Variants in ACOT7 observed in about 807,000 individuals in gnomAD.
ACOT7 encodes the protein cytosolic acyl coenzyme A thioester hydrolase.
ACOT7 carries 12 observed loss-of-function variants against 40.2 expected under a neutral mutation model. The observed-to-expected ratio is 0.30, with a 90% CI of 0.19 to 0.48. The LOEUF (loss-of-function observed/expected upper bound fraction) is 0.48, where lower values mean the gene tolerates loss of function less well. ACOT7 is among the 20% of genes least tolerant of loss of function. The probability of loss-of-function intolerance (pLI) is 0.99; values close to 1 mark genes in which losing one functional copy is unlikely to be tolerated. For synonymous variants in ACOT7, 228 were observed against 219.5 expected, an observed-to-expected ratio of 1.04 and a Z score of -0.34; for missense variants, 395 against 530.8, an observed-to-expected ratio of 0.74 and a Z score of 2.51.
chr1:6,289,994 G>T lies in ACOT7; in HGVS notation c.829+4870C>A, dbSNP rs1047719771. 6.6e-6 allele frequency among the ~76,000 whole-genome samples: 1 copy of T among 152,200 alleles called. No homozygotes were observed. The highest frequency in any genetic ancestry group is 2.4e-5 in the African/African-American group (1 of 41,440). ...CTCTGCAGACATTGACTAAGTGACA[G>T]CCCTGGAGATGGGAAGATTGTTCTG... On this transcript the variant is annotated intron_variant, in intron 7 of 8. Coordinates refer to ENST00000361521, the MANE Select transcript of ACOT7 (RefSeq NM_007274.4). This position sits in a 1 kb window ranked among gnomAD's most constrained non-coding sequence, Gnocchi z 4.6.
At position 6,277,352 on chromosome 1, in the gene ACOT7, G is replaced by T. The variant is rs528492296; in HGVS notation, c.1014+3750C>A. Among the ~76,000 whole-genome samples, 7 of 152,348 alleles carry T rather than the reference G, an allele frequency of 4.6e-5. No homozygotes were observed. In the South Asian group the frequency reaches 1.4e-3, roughly 32 times the overall value. ...GCAAACACCAACCACGCCTGCAGCC[G>T]CTGCCAACCTGGGAGGATGCCCCCC... is the stretch of plus-strand genomic sequence containing the variant. On this transcript the variant is annotated intron_variant, in intron 8 of 8. Transcript: ENST00000361521.
rs1431580393 is a variant in ACOT7, at chr1:6,281,250, G to A, written c.866C>T (p.Thr289Met). Residue 289 changes from threonine (T) to methionine (M), a missense_variant, in exon 8 of 9, where the codon ACG becomes ATG. Transcript: ENST00000361521. ...CTCGATCTCCATGGACTTATTGCTC[G>A]TGAAGGTCATGCGTCCCGAGATGGT... is the stretch of plus-strand genomic sequence containing the variant. ...VITISGRMTFTSNKSMEIEVL... is the reference protein window; with the variant it reads ...VITISGRMTFMSNKSMEIEVL... 8 of 1,613,520 alleles carry A rather than the reference G, an allele frequency of 5.0e-6. No homozygotes were observed. The highest frequency in any genetic ancestry group is 2.2e-5 in the East Asian group (1 of 44,876).
At position 6,355,359 on chromosome 1, in the gene ACOT7, C is replaced by T. The variant is rs79569393; in HGVS notation, c.144-5493G>A. On this transcript the variant is annotated intron_variant, in intron 1 of 8. Coordinates refer to ENST00000361521, the MANE Select transcript of ACOT7 (RefSeq NM_007274.4). This position sits in a 1 kb window ranked among gnomAD's most constrained non-coding sequence, Gnocchi z 5.0. Reference sequence around the variant, plus strand: ...ACTGCAAGGGTACTCACTGCACAGCCGTGTATAACGCAGGACATGGGCCAG... The same window carrying T: ...ACTGCAAGGGTACTCACTGCACAGCTGTGTATAACGCAGGACATGGGCCAG... Among the ~76,000 whole-genome samples the T allele has an allele frequency of 0.011, 1,702 of 152,288 alleles. 41 individuals are homozygous for T. Among genetic ancestry groups the T allele is most frequent in the African/African-American group, 0.038 (1,597 of 41,556 alleles).
At chr1:6,392,965 G>T (rs1398310011) in intron 1 of ACOT7, among the ~76,000 whole-genome samples, 1 of 152,100 alleles carries the variant, frequency 6.6e-6, no homozygotes, top group Non-Finnish European at 1.5e-5. Context: ...ACCTCCGCCC[G>T]CCCCGTCCCT....
chr1:6,276,805 G>A (rs114747755), intron 8 of ACOT7, among the ~76,000 whole-genome samples: 1,666 of 152,242 alleles, frequency 0.011, 28 homozygotes, highest in African/African-American at 0.038. Flanking sequence ...GACATCCATG[G>A]GCCCCAGGAC....
intron 1 of ACOT7, among the ~76,000 whole-genome samples, chr1:6,380,831 C>T (rs1243382637): frequency 6.6e-6 from 1 of 151,506 alleles, no homozygotes; most frequent in Non-Finnish European, 1.5e-5. Context: ...GTGATGATTT[C>T]TTGGCTATGA....
chr1:6,347,172 TG>T (rs1641450510), intron 2 of ACOT7, among the ~76,000 whole-genome samples: 1 of 152,132 alleles, frequency 6.6e-6, no homozygotes, highest in Admixed American at 6.5e-5. Flanking sequence ...GCACTGGGAC[TG>T]TTCTCACCCC....
At chr1:6,388,888 A>G (rs1022022622) in intron 1 of ACOT7, among the ~76,000 whole-genome samples, 2 of 151,750 alleles carry the variant, frequency 1.3e-5, no homozygotes, top group African/African-American at 4.8e-5. Context: ...AATACAAAAA[A>G]AAATTAGCCG....
At chr1:6,318,224 ATTT>A in intron 6 of ACOT7, among the ~76,000 whole-genome samples, 1 of 151,140 alleles carries the variant, frequency 6.6e-6, no homozygotes, top group Non-Finnish European at 1.5e-5. Context: ...CCGGCTTATT[ATTT>A]ATTTTTTTGT....
intron 1 of ACOT7, among the ~76,000 whole-genome samples, chr1:6,351,995 A>G (rs991094721): frequency 6.6e-6 from 1 of 152,166 alleles, no homozygotes; most frequent in Non-Finnish European, 1.5e-5. Flanking sequence ...TCAGGAGTAC[A>G]TGCCAGGAAC....
In ACOT7 at chr1:6,306,568, G is replaced by A. The variant is rs1255231028; in HGVS notation, c.713-11588C>T. 2.0e-5 allele frequency: 20 copies of A among 985,320 alleles called. No individual in the cohort carries two copies. Among genetic ancestry groups the A allele is most frequent in the Non-Finnish European group, 2.3e-5 (19 of 829,936 alleles). The allele number at this position is 985,320 out of a possible 1,614,324, so 61.0% of individuals were successfully genotyped here. A position where few individuals can be genotyped will look rare whatever the true frequency, so the allele number is the denominator to read the frequency against. On this transcript the variant is annotated intron_variant, in intron 6 of 8. Coordinates refer to ENST00000361521, the MANE Select transcript of ACOT7 (RefSeq NM_007274.4). The surrounding 1 kb of genome is among the most constrained non-coding windows in gnomAD (Gnocchi z 4.3). ...TTCAGAACAGAAGAACCTGGAGAAC[G>A]ATGTTTTCAAACACCAAGATCCTAG... is the stretch of plus-strand genomic sequence containing the variant.
chr1:6,374,287 C>T (rs1642185984), intron 1 of ACOT7, among the ~76,000 whole-genome samples: 1 of 152,216 alleles, frequency 6.6e-6, no homozygotes, highest in South Asian at 2.1e-4. Flanking sequence ...AGACTAAGAG[C>T]CCTGCCCAGC....
At chr1:6,383,036 G>A (rs1304224557) in intron 1 of ACOT7, among the ~76,000 whole-genome samples, 5 of 147,894 alleles carry the variant, frequency 3.4e-5, no homozygotes, top group African/African-American at 7.9e-5. Context: ...GGGCTACCAC[G>A]CCCAGCTATT....
chr1:6,315,402 T>G (rs567478367), intron 6 of ACOT7, among the ~76,000 whole-genome samples: 1 of 152,290 alleles, frequency 6.6e-6, no homozygotes, highest in South Asian at 2.1e-4. Context: ...CAGTTCGTGT[T>G]TTCAATGTGG....
chr1:6,316,666 C>T (rs750215800), intron 6 of ACOT7, among the ~76,000 whole-genome samples: 2 of 152,064 alleles, frequency 1.3e-5, no homozygotes, highest in Non-Finnish European at 2.9e-5. Flanking sequence ...AAAAATTAGC[C>T]GAGTGTGGTG....
rs181565592 is a variant in ACOT7, at chr1:6,265,978, T to C, written c.1015-1283A>G. On this transcript the variant is annotated intron_variant, in intron 8 of 8. Coordinates refer to ENST00000361521, the MANE Select transcript of ACOT7 (RefSeq NM_007274.4). ...CTCAGCTCTCTCCAAAATCAGTCTC[T>C]AAATGTCACCAGGTGTAAACTGTCA... Among the ~76,000 whole-genome samples, 528 of 152,332 alleles carry C rather than the reference T, an allele frequency of 3.5e-3. 2 individuals are homozygous for C. The highest frequency in any genetic ancestry group is 0.011 in the African/African-American group (470 of 41,574).
intron 1 of ACOT7, among the ~76,000 whole-genome samples, chr1:6,379,233 TAAATG>T (rs1459701809): frequency 6.6e-6 from 1 of 151,754 alleles, no homozygotes; most frequent in Non-Finnish European, 1.5e-5. Context: ...AGGTCAGAGA[TAAATG>T]ACCCTCAGGT....
rs966866431 is a variant in ACOT7 at position 6,301,542 on chromosome 1, G to A, written c.713-6562C>T. ...TGTGACATGGACGCCTGCACTGGGT[G>A]AGGACCTGCCTCGTTGTCCCTGTGT... is the stretch of plus-strand genomic sequence containing the variant. On this transcript the variant is annotated intron_variant, in intron 6 of 8. Coordinates refer to ENST00000361521, the MANE Select transcript of ACOT7 (RefSeq NM_007274.4). The surrounding 1 kb of genome is among the most constrained non-coding windows in gnomAD (Gnocchi z 4.1). 6.6e-6 allele frequency among the ~76,000 whole-genome samples: 1 copy of A among 152,230 alleles called. No individual in the cohort carries two copies. The highest frequency in any genetic ancestry group is 1.5e-5 in the Non-Finnish European group (1 of 68,040).
chr1:6,387,934 GT>G (rs557741543), intron 1 of ACOT7, among the ~76,000 whole-genome samples: 52 of 139,138 alleles, frequency 3.7e-4, no homozygotes, highest in South Asian at 3.7e-3. Flanking sequence ...CAGGTTCTTT[GT>G]TTTTTTTTTT....
Sources: allele counts gnomAD v4.1 joint callset (sites outside exome capture counted in the v4.1 genomes callset), GRCh38; gene constraint gnomAD v4.1.1; non-coding constraint Gnocchi (gnomAD v3.1); transcripts MANE v1.5; gene names NCBI Gene and HGNC (gene_info 2026-07-23, HGNC 2026-07-21).